The following ENDOU variants were observed in gnomAD, a reference collection of about 807,000 sequenced individuals.
ENDOU encodes endonuclease, poly(U) specific.
A neutral mutation model predicts 54.2 loss-of-function variants in ENDOU; 49 were observed. The observed-to-expected ratio is 0.90, with a 90% CI of 0.72 to 1.15. ENDOU has a LOEUF of 1.15. Among genes scored for constraint, ENDOU ranks in the 50% most tolerant of loss-of-function variants. The pLI is 0.00. For synonymous variants in ENDOU, 172 were observed against 190.5 expected, an observed-to-expected ratio of 0.90 and a Z score of 0.80; for missense variants, 458 against 511.4, an observed-to-expected ratio of 0.90 and a Z score of 1.01.
chr12:47,725,287 C>T (rs1940549837), intron 1 of ENDOU, 72 bp downstream of exon 1: 1 of 1,554,788 alleles, frequency 6.4e-7, no homozygotes, highest in South Asian at 1.1e-5. Context: ...CTACCAAGTT[C>T]TCCAACTCTC....
Position 47,711,701 on chromosome 12 carries a change from G to A in ENDOU, c.1047C>T (p.Phe349=). The change falls in exon 9 of 10, where the codon TTC becomes TTT. Residue 349 remains phenylalanine (F), a synonymous_variant. Coordinates refer to ENST00000422538, the MANE Select transcript of ENDOU (RefSeq NM_001172439.2). ...DGYYKEVGSA[F]IGSSPEFEFA... ...ACTCAAACTCAGGGCTGCTGCCGATGAAAGCAGAGCCCACTTCCTTATAGT... is the reference window on the plus strand; with the variant it reads ...ACTCAAACTCAGGGCTGCTGCCGATAAAAGCAGAGCCCACTTCCTTATAGT... 6.2e-7 allele frequency: 1 copy of A among 1,614,210 alleles called. No individual in the cohort carries two copies.
rs140029127 is a variant in ENDOU, at chr12:47,724,493, CA to C, written c.55+865del. On this transcript the variant is annotated intron_variant, in intron 1 of 9. Transcript: ENST00000422538. ...GCGAATTTCCAGTTCACTGAGATCT[CA>C]CTTTGCACCAGGTGCTTCTCATACA... 1.5e-4 allele frequency among the ~76,000 whole-genome samples: 23 copies of C among 152,322 alleles called. 1 individual carries two copies. The East Asian group carries it at 4.4e-3, about 29-fold the overall frequency.
chr12:47,716,757 G>T, intron 5 of ENDOU, 133 bp downstream of exon 5: 1 of 905,644 alleles, frequency 1.1e-6, no homozygotes, highest in Non-Finnish European at 1.7e-6. Flanking sequence ...AGATGGCTTT[G>T]TCTCTGGAGA....
rs934839779 is a variant in ENDOU at position 47,710,875 on chromosome 12, T to C, written c.1160A>G (p.Tyr387Cys). 6.8e-6 allele frequency: 11 copies of C among 1,614,004 alleles called. No individual in the cohort carries two copies. The highest frequency in any genetic ancestry group is 8.5e-6 in the Non-Finnish European group (10 of 1,180,006). Residue 387 changes from tyrosine (Y) to cysteine (C), a missense_variant, in exon 10 of 10, where the codon TAT becomes TGT. Coordinates refer to ENST00000422538, the MANE Select transcript of ENDOU (RefSeq NM_001172439.2). ...CCCATAGGTGGACTTGTCCCAGGTA[T>C]ATGTCCGGACAGCTAAGGGATATCC... ...LGGYPLAVRT[Y>C]TWDKSTYGNG...
At position 47,720,713 on chromosome 12, in the gene ENDOU, A is replaced by G. The variant is rs748593077; in HGVS notation, c.178+40T>C. 5.9e-6 allele frequency: 9 copies of G among 1,532,812 alleles called. 1 individual carries two copies. The highest frequency in any genetic ancestry group is 1.9e-4 in the Middle Eastern group (1 of 5,304). 95.0% of individuals were successfully genotyped at this position (1,532,812 alleles called of 1,614,324 possible). A position where few individuals can be genotyped will look rare whatever the true frequency, so the allele number is the denominator to read the frequency against. ...TGGACACCCAGGCCAGTGGCCCCTT[A>G]GACAGGCTGGACATGCCTTCGTCTC... is the stretch of plus-strand genomic sequence containing the variant. On this transcript the variant is annotated intron_variant, in intron 2 of 9. Coordinates refer to ENST00000422538, the MANE Select transcript of ENDOU (RefSeq NM_001172439.2).
At chr12:47,717,892 T>G in intron 3 of ENDOU, 2 of 607,476 alleles carry the variant, frequency 3.3e-6, no homozygotes, top group Non-Finnish European at 5.7e-6. Flanking sequence ...AAATAAAATC[T>G]CTTCCACTTC....
At chr12:47,713,125 C>G in intron 7 of ENDOU, 150 bp downstream of exon 7, 2 of 621,852 alleles carry the variant, frequency 3.2e-6, no homozygotes, top group Non-Finnish European at 2.9e-6. Flanking sequence ...CCCCCGCCCC[C>G]CTGCCATATG....
At position 47,710,514 on chromosome 12, in the gene ENDOU, C is replaced by T; in HGVS notation, c.*288G>A. The T allele has an allele frequency of 3.6e-6, 1 of 274,660 alleles. No homozygotes were observed. Among genetic ancestry groups the T allele is most frequent in the Non-Finnish European group, 7.1e-6 (1 of 140,012 alleles). The allele number at this position is 274,660 out of a possible 1,614,324, so 17.0% of individuals were successfully genotyped here. On this transcript the variant is annotated 3_prime_UTR_variant, in exon 10 of 10. Coordinates refer to ENST00000422538, the MANE Select transcript of ENDOU (RefSeq NM_001172439.2). Reference sequence around the variant, plus strand: ...AGGACTTCTTCCTAGTTCCCCCACACATCAGGGCAGAGAGCTATGGAGGGT... The same window carrying T: ...AGGACTTCTTCCTAGTTCCCCCACATATCAGGGCAGAGAGCTATGGAGGGT...
Position 47,710,668 on chromosome 12 carries a change from G to A in ENDOU, c.*134C>T. The A allele has an allele frequency of 2.9e-6, 2 of 686,406 alleles. No homozygotes were observed. Among genetic ancestry groups the A allele is most frequent in the Non-Finnish European group, 2.7e-6 (1 of 374,802 alleles). 42.5% of individuals were successfully genotyped at this position (686,406 alleles called of 1,614,324 possible). ...ATCTCTTTCCCATGTGGGCACTTTG[G>A]GATTTAGGAATGCTTCTCATTGCTT... On this transcript the variant is annotated 3_prime_UTR_variant, in exon 10 of 10. Coordinates refer to ENST00000422538, the MANE Select transcript of ENDOU (RefSeq NM_001172439.2).
At chr12:47,716,636 A>C (rs1384001956) in intron 5 of ENDOU, 137 bp from the exon 6 acceptor site, 1 of 771,692 alleles carries the variant, frequency 1.3e-6, no homozygotes, top group Non-Finnish European at 2.1e-6. Flanking sequence ...GGTACTCTTG[A>C]AAGTCACACA....
intron 1 of ENDOU, among the ~76,000 whole-genome samples, chr12:47,722,346 C>T (rs569377636): frequency 6.6e-6 from 1 of 152,286 alleles, no homozygotes; most frequent in East Asian, 1.9e-4. Flanking sequence ...GGCTGGAATT[C>T]TGGTTCTACT....
chr12:47,712,954 G>T (rs1303588593), intron 7 of ENDOU, among the ~76,000 whole-genome samples: 2 of 152,112 alleles, frequency 1.3e-5, no homozygotes, highest in Non-Finnish European at 2.9e-5. Flanking sequence ...GAAGCAGCTG[G>T]CCAGGCCCTG....
At chr12:47,718,096 C>A in intron 3 of ENDOU, 33 bp downstream of exon 3, 4 of 1,545,244 alleles carry the variant, frequency 2.6e-6, no homozygotes, top group Non-Finnish European at 3.5e-6. Context: ...CCTGCTTTAT[C>A]TTGAGGGCCC....
intron 2 of ENDOU, 190 bp downstream of exon 2, chr12:47,720,563 G>C (rs1592512617): frequency 2.1e-6 from 1 of 471,618 alleles, no homozygotes; most frequent in East Asian, 3.4e-5. Flanking sequence ...TGTATTTTAA[G>C]TTGGGGGCAT....
intron 1 of ENDOU, 147 bp downstream of exon 1, chr12:47,725,212 C>A: frequency 1.2e-6 from 1 of 818,622 alleles, no homozygotes; most frequent in East Asian, 2.6e-5. Flanking sequence ...CAGACAAGGA[C>A]AACCCAAAAG....
intron 3 of ENDOU, 174 bp downstream of exon 3, chr12:47,717,955 C>T: frequency 1.5e-6 from 1 of 649,588 alleles, no homozygotes; most frequent in South Asian, 2.0e-5. Context: ...CATGGCCCCC[C>T]AGGCTGGCTG....
chr12:47,715,372 G>A (rs1414243500), intron 6 of ENDOU, among the ~76,000 whole-genome samples: 1 of 152,214 alleles, frequency 6.6e-6, no homozygotes, highest in Non-Finnish European at 1.5e-5. Context: ...CAACTCATTT[G>A]TGGCCTCAGA....
intron 2 of ENDOU, chr12:47,719,356 G>A (rs1036501886): frequency 3.9e-5 from 6 of 152,110 alleles, no homozygotes; most frequent in African/African-American, 1.4e-4. Context: ...TCCCTGCCTG[G>A]GGAAGGAGGT....
At chr12:47,716,575 G>T in intron 5 of ENDOU, 76 bp from the exon 6 acceptor site, 4 of 1,395,960 alleles carry the variant, frequency 2.9e-6, no homozygotes, top group Non-Finnish European at 3.0e-6. Context: ...TTCTAGACAG[G>T]CCAGGGGCAG....
Sources: allele counts gnomAD v4.1 joint callset (sites outside exome capture counted in the v4.1 genomes callset), GRCh38; gene constraint gnomAD v4.1.1; transcripts MANE v1.5; gene names NCBI Gene and HGNC (gene_info 2026-07-23, HGNC 2026-07-21).